Variants in RBFOX1 observed in about 807,000 individuals in gnomAD.
The protein encoded by RBFOX1 is RNA binding fox-1 homolog 1.
RBFOX1 carries 8 observed loss-of-function variants against 57.7 expected under a neutral mutation model. The observed-to-expected ratio is 0.14, with a 90% CI of 0.08 to 0.25. RBFOX1 has a LOEUF of 0.25. RBFOX1 is among the 10% of genes least tolerant of loss of function. RBFOX1 has a pLI of 1.00. For missense variants in RBFOX1, 611 were observed against 548.5 expected (o/e 1.11, Z -1.14); for synonymous variants, 326 against 222.4 (o/e 1.47, Z -4.15).
In RBFOX1 at chr16:6,629,972, TTAAA is replaced by T. The variant is rs1031080286; in HGVS notation, c.-63-24630_-63-24627del. ...TTATTTCGGTAGGTTTTTTTTTTTTTTAAAAAAAAAAAAGACCATTGCTTTCAGA... is the reference window on the plus strand; with the variant it reads ...TTATTTCGGTAGGTTTTTTTTTTTTTAAAAAAAAAGACCATTGCTTTCAGA... On this transcript the variant is annotated intron_variant, in intron 2 of 15. Transcript: ENST00000550418. Among the ~76,000 whole-genome samples, 64 of 75,882 alleles carry T rather than the reference TTAAA, an allele frequency of 8.4e-4. 1 individual carries two copies. Among genetic ancestry groups the T allele is most frequent in the African/African-American group, 3.1e-3 (61 of 19,956 alleles). 49.8% of individuals were successfully genotyped at this position (75,882 alleles called of 152,430 possible). A position where few individuals can be genotyped will look rare whatever the true frequency, so the allele number is the denominator to read the frequency against.
chr16:7,005,021 G>A (rs2093173504), intron 3 of RBFOX1, among the ~76,000 whole-genome samples: 1 of 152,170 alleles, frequency 6.6e-6, no homozygotes, highest in East Asian at 1.9e-4. Flanking sequence ...GTGCGTGCCT[G>A]TTATCCCAGC....
intron 2 of RBFOX1, among the ~76,000 whole-genome samples, chr16:6,513,324 T>A (rs1340999375): frequency 1.3e-5 from 2 of 152,308 alleles, no homozygotes; most frequent in East Asian, 3.9e-4. Flanking sequence ...TGTCAGCTTC[T>A]CCTCCTTGTT....
chr16:7,458,250 G>T (rs1183650927), intron 4 of RBFOX1, among the ~76,000 whole-genome samples: 1 of 152,050 alleles, frequency 6.6e-6, no homozygotes, highest in Admixed American at 6.5e-5. Flanking sequence ...GTTTGCAAAG[G>T]ACCAGCGTCT....
intron 2 of RBFOX1, among the ~76,000 whole-genome samples, chr16:6,413,637 A>G (rs536353939): frequency 6.6e-6 from 1 of 152,240 alleles, no homozygotes; most frequent in East Asian, 1.9e-4. Flanking sequence ...TTGTGAAAAG[A>G]TTCTAAATAA....
chr16:6,693,206 C>T (rs2060487938), intron 3 of RBFOX1, among the ~76,000 whole-genome samples: 1 of 151,682 alleles, frequency 6.6e-6, no homozygotes. Flanking sequence ...CCATCACCAC[C>T]ATCATCATCA....
intron 4 of RBFOX1, among the ~76,000 whole-genome samples, chr16:7,145,160 C>G (rs966411633): frequency 6.6e-6 from 1 of 152,140 alleles, no homozygotes; most frequent in Admixed American, 6.6e-5. Flanking sequence ...GGTACCATCC[C>G]AATCATTTCT....
chr16:6,498,256 CA>C (rs761732760), intron 2 of RBFOX1, among the ~76,000 whole-genome samples: 74 of 91,052 alleles, frequency 8.1e-4, no homozygotes, highest in Admixed American at 1.4e-3. Flanking sequence ...CGTCTCAAAA[CA>C]AAAAAAAAAA....
chr16:6,838,749 C>T (rs1033459470), intron 3 of RBFOX1, among the ~76,000 whole-genome samples: 1 of 152,154 alleles, frequency 6.6e-6, no homozygotes, highest in Non-Finnish European at 1.5e-5. Context: ...GCTTAGCATC[C>T]TCCAGGGGTC....
intron 4 of RBFOX1, among the ~76,000 whole-genome samples, chr16:5,958,729 A>C (rs761864373): frequency 1.2e-4 from 18 of 152,322 alleles, no homozygotes; most frequent in Middle Eastern, 3.4e-3. Flanking sequence ...TTCTACTGGC[A>C]GCTCCAGGAG....
intron 3 of RBFOX1, among the ~76,000 whole-genome samples, chr16:6,984,869 G>A (rs2089878892): frequency 6.6e-6 from 1 of 152,026 alleles, no homozygotes. Flanking sequence ...TTGAACTCCT[G>A]ACCTCAGCTG....
chr16:6,689,504 C>T (rs910365902), intron 3 of RBFOX1, among the ~76,000 whole-genome samples: 1 of 152,094 alleles, frequency 6.6e-6, no homozygotes, highest in Non-Finnish European at 1.5e-5. Flanking sequence ...ATTTAATGCA[C>T]AAATTTTTTT....
intron 3 of RBFOX1, among the ~76,000 whole-genome samples, chr16:6,967,141 T>C (rs991149034): frequency 1.3e-5 from 2 of 152,152 alleles, no homozygotes; most frequent in Non-Finnish European, 2.9e-5. Flanking sequence ...TAAACATTCA[T>C]CCATTCATCA....
chr16:6,850,651 C>G (rs868833371), intron 3 of RBFOX1, among the ~76,000 whole-genome samples: 1 of 152,162 alleles, frequency 6.6e-6, no homozygotes, highest in Admixed American at 6.5e-5. Context: ...TGCAATATTT[C>G]TACCTTCTTT....
At chr16:7,253,951 A>G (rs1357305589) in intron 4 of RBFOX1, among the ~76,000 whole-genome samples, 1 of 152,148 alleles carries the variant, frequency 6.6e-6, no homozygotes, top group African/African-American at 2.4e-5. Flanking sequence ...AAAGGGGACT[A>G]TTACAGTGTG....
chr16:5,723,881 C>G (rs1288677306), intron 3 of RBFOX1, among the ~76,000 whole-genome samples: 1 of 152,210 alleles, frequency 6.6e-6, no homozygotes, highest in Admixed American at 6.5e-5. Flanking sequence ...AAAGTCGCTT[C>G]TACATGGGCA....
rs541789301 is a variant in RBFOX1 at position 6,425,100 on chromosome 16, A to G, written c.-64+108043A>G. ...AATAATTTATTTGACTTTAATAATA[A>G]GGATGAAACAACTTTATACCTTTTA... On this transcript the variant is annotated intron_variant, in intron 2 of 15. Coordinates refer to ENST00000550418, the MANE Select transcript of RBFOX1 (RefSeq NM_018723.4). 1.1e-4 allele frequency among the ~76,000 whole-genome samples: 16 copies of G among 152,322 alleles called. No homozygotes were observed. In the South Asian group the frequency reaches 3.1e-3, roughly 30 times the overall value.
intron 4 of RBFOX1, among the ~76,000 whole-genome samples, chr16:7,499,758 G>C (rs1021628580): frequency 1.3e-5 from 2 of 152,050 alleles, no homozygotes; most frequent in African/African-American, 2.4e-5. Flanking sequence ...TTTTGAATTA[G>C]AAATATTTAA....
At chr16:7,061,063 GA>G (rs2054109866) in intron 4 of RBFOX1, among the ~76,000 whole-genome samples, 1 of 151,616 alleles carries the variant, frequency 6.6e-6, no homozygotes, top group Admixed American at 6.6e-5. Context: ...CACATACAAG[GA>G]AAAAACTGGC....
intron 2 of RBFOX1, among the ~76,000 whole-genome samples, chr16:5,591,325 C>G (rs973657548): frequency 3.3e-5 from 5 of 150,564 alleles, no homozygotes; most frequent in African/African-American, 1.2e-4. Context: ...GATTTCAGCT[C>G]ACTGCAACAT....
Sources: allele counts gnomAD v4.1 joint callset (sites outside exome capture counted in the v4.1 genomes callset), GRCh38; gene constraint gnomAD v4.1.1; transcripts MANE v1.5; gene names NCBI Gene and HGNC (gene_info 2026-07-23, HGNC 2026-07-21).